Variants in UTP14C observed in about 807,000 individuals in gnomAD.
UTP14C encodes U3 small nucleolar RNA-associated protein 14 homolog C.
A neutral mutation model predicts 14.6 loss-of-function variants in UTP14C; 10 were observed. The ratio of observed to expected loss-of-function variants is 0.68; its 90% CI spans 0.42 to 1.16. UTP14C has a LOEUF of 1.16. Among genes scored for constraint, UTP14C ranks in the 50% most tolerant of loss-of-function variants. UTP14C has a pLI of 0.00. For synonymous variants in UTP14C, 315 were observed against 331.6 expected (o/e 0.95, Z 0.54); for missense variants, 818 against 890.8 (o/e 0.92, Z 1.04).
rs1260884272 is a variant in UTP14C at position 52,030,199 on chromosome 13, G to T, written c.1395G>T (p.Leu465Phe). ...AATTGAGGGCACTATCTCAGAAATTGAAGGAAAAACATCAGTCCAGGAAGC... is the reference window on the plus strand; with the variant it reads ...AATTGAGGGCACTATCTCAGAAATTTAAGGAAAAACATCAGTCCAGGAAGC... ...LSELRALSQK[L>F]KEKHQSRKQK... The change falls in exon 2 of 2, where the codon TTG (leucine) becomes TTT (phenylalanine). Residue 465 changes from leucine (L) to phenylalanine (F), a missense_variant. By Grantham distance (22) the Leu-to-Phe change is conservative. Transcript: ENST00000521776. 3.7e-6 allele frequency: 6 copies of T among 1,614,086 alleles called. No individual in the cohort carries two copies. In the African/African-American group the frequency reaches 8.0e-5, roughly 22 times the overall value.
chr13:52,026,083 G>A lies in UTP14C; in HGVS notation c.-487+1146G>A, dbSNP rs1472071306. 9.8e-5 allele frequency among the ~76,000 whole-genome samples: 15 copies of A among 152,360 alleles called. 1 individual carries two copies. Among genetic ancestry groups the A allele is most frequent in the Admixed American group, 5.9e-4 (9 of 15,308 alleles). Reference sequence around the variant, plus strand: ...CCAACAGGCTACACAGGCAAGTGCCGTGCCGTGCTGTGCCGTGTGCCAGGT... The same window carrying A: ...CCAACAGGCTACACAGGCAAGTGCCATGCCGTGCTGTGCCGTGTGCCAGGT... On this transcript the variant is annotated intron_variant, in intron 1 of 1. Coordinates refer to ENST00000521776, the MANE Select transcript of UTP14C (RefSeq NM_021645.6).
chr13:52,028,875 A>T lies in UTP14C; in HGVS notation c.71A>T (p.Asn24Ile). The T allele has an allele frequency of 6.2e-7, 1 of 1,614,236 alleles. No individual in the cohort carries two copies. Among genetic ancestry groups the T allele is most frequent in the Non-Finnish European group, 8.5e-7 (1 of 1,180,040 alleles). Reference sequence around the variant, plus strand: ...GAAGAACTAGTGGATTTGCCAAAAAACTACCCCTTGAGTGAAAATGAAGAT... The same window carrying T: ...GAAGAACTAGTGGATTTGCCAAAAATCTACCCCTTGAGTGAAAATGAAGAT... ...HQEELVDLPK[N>I]YPLSENEDEG... The change falls in exon 2 of 2, where the codon AAC (asparagine) becomes ATC (isoleucine). Residue 24 changes from asparagine (N) to isoleucine (I), a missense_variant. By Grantham distance (149) the Asn-to-Ile change is moderately radical. Coordinates refer to ENST00000521776, the MANE Select transcript of UTP14C (RefSeq NM_021645.6).
intron 1 of UTP14C, among the ~76,000 whole-genome samples, chr13:52,026,100 G>T (rs577945946): frequency 2.0e-5 from 3 of 152,370 alleles, no homozygotes; most frequent in Admixed American, 6.5e-5. Flanking sequence ...GCTGTGCCGT[G>T]TGCCAGGTGC....
In UTP14C at chr13:52,031,720, T is replaced by C. The variant is rs1262547739; in HGVS notation, c.*615T>C. 3 of 167,300 alleles carry C rather than the reference T, an allele frequency of 1.8e-5. No individual in the cohort carries two copies. Among genetic ancestry groups the C allele is most frequent in the Non-Finnish European group, 4.4e-5 (3 of 68,284 alleles). The allele number at this position is 167,300 out of a possible 1,614,324, so 10.4% of individuals were successfully genotyped here. A position where few individuals can be genotyped will look rare whatever the true frequency, so the allele number is the denominator to read the frequency against. ...CATTGTAAGATGGCAAGGTGGCATT[T>C]TGAAAGAGCGCTGGGCAAGCAGTTA... On this transcript the variant is annotated 3_prime_UTR_variant, in exon 2 of 2. Coordinates refer to ENST00000521776, the MANE Select transcript of UTP14C (RefSeq NM_021645.6).
Position 52,029,618 on chromosome 13 carries a change from A to C in UTP14C, c.814A>C (p.Lys272Gln), listed in dbSNP as rs1481202148. 3 of 1,614,252 alleles carry C rather than the reference A, an allele frequency of 1.9e-6. No homozygotes were observed. Among genetic ancestry groups the C allele is most frequent in the Admixed American group, 3.3e-5 (2 of 60,032 alleles). ...CTTAAAAGAGTTTGAGCAGCTACAG[A>C]AGGTTAATCCAACTGTGGCACTGGA... ...KALKEFEQLQ[K>Q]VNPTVALEEM... Residue 272 changes from lysine (K) to glutamine (Q), a missense_variant, in exon 2 of 2, where the codon AAG (lysine) becomes CAG (glutamine). Coordinates refer to ENST00000521776, the MANE Select transcript of UTP14C (RefSeq NM_021645.6).
At position 52,029,780 on chromosome 13, in the gene UTP14C, T is replaced by C; in HGVS notation, c.976T>C (p.Leu326=). The change falls in exon 2 of 2, where the codon TTG becomes CTG. Residue 326 remains leucine, a synonymous_variant. Transcript: ENST00000521776. ...LEARQAMQEQ[L]AKNKELTQKL... is the part of the protein sequence containing the mutation. Reference sequence around the variant, plus strand: ...GGCTCGCCAAGCTATGCAGGAACAGTTGGCCAAGAACAAAGAACTGACACA... The same window carrying C: ...GGCTCGCCAAGCTATGCAGGAACAGCTGGCCAAGAACAAAGAACTGACACA... 1 of 1,614,026 alleles carries C rather than the reference T, an allele frequency of 6.2e-7. No homozygotes were observed. Among genetic ancestry groups the C allele is most frequent in the Non-Finnish European group, 8.5e-7 (1 of 1,180,022 alleles).
chr13:52,025,405 C>T (rs113297277), intron 1 of UTP14C, among the ~76,000 whole-genome samples: 2 of 152,322 alleles, frequency 1.3e-5, no homozygotes, highest in African/African-American at 4.8e-5. Context: ...TACCCTAATC[C>T]TACAGAATGG....
chr13:52,025,550 T>G (rs1057098195), intron 1 of UTP14C, among the ~76,000 whole-genome samples: 2 of 152,254 alleles, frequency 1.3e-5, no homozygotes, highest in Admixed American at 1.3e-4. Flanking sequence ...TAGTCTTTTA[T>G]TGATTCTACC....
Position 52,030,105 on chromosome 13 carries a change from T to C in UTP14C, c.1301T>C (p.Leu434Pro), listed in dbSNP as rs1954283767. Reference sequence around the variant, plus strand: ...CAATCCCTTAGAAAAAGATCTGAGCTCAACCAGGATGCTGAGCCAGCAAGC... The same window carrying C: ...CAATCCCTTAGAAAAAGATCTGAGCCCAACCAGGATGCTGAGCCAGCAAGC... ...ERQSLRKRSE[L>P]NQDAEPASSQ... Residue 434 changes from leucine to proline, a missense_variant, in exon 2 of 2, where the codon CTC becomes CCC. By Grantham distance (98) the Leu-to-Pro change is moderately conservative. Transcript: ENST00000521776. The C allele has an allele frequency of 2.5e-6, 4 of 1,614,024 alleles. No individual in the cohort carries two copies. Among genetic ancestry groups the C allele is most frequent in the Non-Finnish European group, 3.4e-6 (4 of 1,180,044 alleles).
rs1954303079 is a variant in UTP14C, at chr13:52,031,387, C to A, written c.*282C>A. ...ATTTCCTTAAAAAAGAAATTTTAAA[C>A]AGACTTGTTTAATCGTGTTCTCAAA... On this transcript the variant is annotated 3_prime_UTR_variant, in exon 2 of 2. Coordinates refer to ENST00000521776, the MANE Select transcript of UTP14C (RefSeq NM_021645.6). 1 of 419,430 alleles carries A rather than the reference C, an allele frequency of 2.4e-6. No individual in the cohort carries two copies. The highest frequency in any genetic ancestry group is 4.3e-6 in the Non-Finnish European group (1 of 230,034). 26.0% of individuals were successfully genotyped at this position (419,430 alleles called of 1,614,324 possible). A position where few individuals can be genotyped will look rare whatever the true frequency, so the allele number is the denominator to read the frequency against.
At position 52,031,137 on chromosome 13, in the gene UTP14C, C is replaced by G; in HGVS notation, c.*32C>G. The stretch of plus-strand genomic sequence containing the variant: ...TAGCTGGAGAAGTGACAGTCAGGGG[C>G]CCTGATTCCACTTCCTTTGGTCCAG... On this transcript the variant is annotated 3_prime_UTR_variant, in exon 2 of 2. Transcript: ENST00000521776. The G allele has an allele frequency of 1.3e-6, 2 of 1,572,878 alleles. No homozygotes were observed. Among genetic ancestry groups the G allele is most frequent in the Non-Finnish European group, 1.7e-6 (2 of 1,159,968 alleles).
At chr13:52,026,409 G>C (rs904002768) in intron 1 of UTP14C, among the ~76,000 whole-genome samples, 2 of 152,208 alleles carry the variant, frequency 1.3e-5, no homozygotes, top group Admixed American at 6.5e-5. Context: ...AAAGCTTTCT[G>C]ATTTCTCCAG....
At position 52,029,592 on chromosome 13, in the gene UTP14C, C is replaced by T. The variant is rs944928699; in HGVS notation, c.788C>T (p.Ala263Val). The change falls in exon 2 of 2, where the codon GCC (alanine) becomes GTC (valine). Residue 263 changes from alanine (A) to valine (V), a missense_variant. By Grantham distance (64) the Ala-to-Val change is moderately conservative. Coordinates refer to ENST00000521776, the MANE Select transcript of UTP14C (RefSeq NM_021645.6). ...GTGAAGAAAGGAAAGGCCAAGAAAG[C>T]CTTAAAAGAGTTTGAGCAGCTACAG... ...KVVKKGKAKK[A>V]LKEFEQLQKV... 1.2e-6 allele frequency: 2 copies of T among 1,614,074 alleles called. No individual in the cohort carries two copies. The highest frequency in any genetic ancestry group is 3.3e-5 in the Admixed American group (2 of 60,010).
chr13:52,029,636 G>A lies in UTP14C; in HGVS notation c.832G>A (p.Ala278Thr), dbSNP rs1749478038. ...EQLQKVNPTVALEEMEKIENA... is the reference protein window; with the variant it reads ...EQLQKVNPTVTLEEMEKIENA... ...GCTACAGAAGGTTAATCCAACTGTG[G>A]CACTGGAAGAAATGGAAAAAATTGA... is the stretch of plus-strand genomic sequence containing the variant. Residue 278 changes from alanine (A) to threonine (T), a missense_variant, in exon 2 of 2, where the codon GCA becomes ACA. Ala to Thr is a moderately conservative substitution (Grantham distance 58, BLOSUM62 0). Transcript: ENST00000521776. The A allele has an allele frequency of 6.2e-7, 1 of 1,614,120 alleles. No homozygotes were observed. The highest frequency in any genetic ancestry group is 2.2e-5 in the East Asian group (1 of 44,894).
At position 52,029,544 on chromosome 13, in the gene UTP14C, A is replaced by G. The variant is rs750959888; in HGVS notation, c.740A>G (p.Lys247Arg). The G allele has an allele frequency of 6.2e-7, 1 of 1,614,220 alleles. No individual in the cohort carries two copies. Among genetic ancestry groups the G allele is most frequent in the Non-Finnish European group, 8.5e-7 (1 of 1,180,042 alleles). ...EAKARKEKKI[K>R]SKKYHKVVKK... ...AAGGCTCGAAAAGAGAAGAAAATCA[A>G]AAGTAAAAAGTATCACAAAGTCGTG... The change falls in exon 2 of 2, where the codon AAA (lysine) becomes AGA (arginine). Residue 247 changes from lysine (K) to arginine (R), a missense_variant. Coordinates refer to ENST00000521776, the MANE Select transcript of UTP14C (RefSeq NM_021645.6).
Position 52,030,877 on chromosome 13 carries a change from T to C in UTP14C, c.2073T>C (p.His691=), listed in dbSNP as rs1954296775. Residue 691 remains histidine (H), a synonymous_variant, in exon 2 of 2, where the codon CAT becomes CAC. Coordinates refer to ENST00000521776, the MANE Select transcript of UTP14C (RefSeq NM_021645.6). Reference sequence around the variant, plus strand: ...TGCTTCCATATCCATTTACCCACCATCGGCAATTTGAAAGGACCATCCAGA... The same window carrying C: ...TGCTTCCATATCCATTTACCCACCACCGGCAATTTGAAAGGACCATCCAGA... ...VQVLPYPFTH[H]RQFERTIQTP... is the part of the protein sequence containing the mutation. The C allele has an allele frequency of 3.1e-6, 5 of 1,614,104 alleles. No individual in the cohort carries two copies. The highest frequency in any genetic ancestry group is 4.2e-6 in the Non-Finnish European group (5 of 1,180,014).
Position 52,028,367 on chromosome 13 carries a change from C to T in UTP14C, c.-438C>T, listed in dbSNP as rs201526759. ...GGCACAATTATCCTTGCACACAATT[C>T]GGGGGGCCCAAAGCTTGACATTGTG... On this transcript the variant is annotated 5_prime_UTR_variant, in exon 2 of 2. Transcript: ENST00000521776. The T allele has an allele frequency of 8.7e-6, 14 of 1,614,002 alleles. No homozygotes were observed. The highest frequency in any genetic ancestry group is 1.2e-5 in the Non-Finnish European group (14 of 1,179,996).
chr13:52,025,218 T>G (rs915234190), intron 1 of UTP14C, among the ~76,000 whole-genome samples: 1 of 152,182 alleles, frequency 6.6e-6, no homozygotes, highest in South Asian at 2.1e-4. Context: ...TTATTGTTAT[T>G]CCCATTTTAT....
chr13:52,029,603 T>G lies in UTP14C; in HGVS notation c.799T>G (p.Phe267Val), dbSNP rs776197728. ...AAAGGCCAAGAAAGCCTTAAAAGAGTTTGAGCAGCTACAGAAGGTTAATCC... is the reference window on the plus strand; with the variant it reads ...AAAGGCCAAGAAAGCCTTAAAAGAGGTTGAGCAGCTACAGAAGGTTAATCC... ...KGKAKKALKE[F>V]EQLQKVNPTV... Residue 267 changes from phenylalanine to valine, a missense_variant, in exon 2 of 2, where the codon TTT (phenylalanine) becomes GTT (valine). Physicochemically the swap from Phe to Val is conservative, Grantham distance 50. Coordinates refer to ENST00000521776, the MANE Select transcript of UTP14C (RefSeq NM_021645.6). 4 of 1,613,644 alleles carry G rather than the reference T, an allele frequency of 2.5e-6. No individual in the cohort carries two copies. The African/African-American group carries it at 5.3e-5, about 22-fold the overall frequency.
Sources: gnomAD v4.1 joint callset for allele counts (sites outside exome capture counted in the v4.1 genomes callset) on GRCh38, gnomAD v4.1.1 for gene constraint, MANE v1.5 for transcripts, NCBI Gene and HGNC (gene_info 2026-07-23, HGNC 2026-07-21) for gene names.